The following SMARCA4 variants were observed in gnomAD, a reference collection of about 807,000 sequenced individuals.
SMARCA4 encodes the protein SWI/SNF related BAF chromatin remodeling complex subunit ATPase 4, also known as SWI/SNF-related matrix-associated actin-dependent regulator of chromatin subfamily A member 4.
In SMARCA4, 31 loss-of-function variants were observed where a neutral mutation model predicts 193.9. The observed-to-expected ratio is 0.16, with a 90% CI of 0.12 to 0.22. The LOEUF (loss-of-function observed/expected upper bound fraction) is 0.22, where lower values mean the gene tolerates loss of function less well. Ranked by LOEUF, SMARCA4 falls within the 10% of genes least tolerant of loss-of-function variation. SMARCA4 has a pLI of 1.00. For missense variants in SMARCA4, 1,148 were observed against 2,296.0 expected, an observed-to-expected ratio of 0.50 and a Z score of 10.22; for synonymous variants, 942 against 933.1, an observed-to-expected ratio of 1.01 and a Z score of -0.17.
At chr19:11,013,553 C>T (rs1425483540) in intron 16 of SMARCA4, among the ~76,000 whole-genome samples, 4 of 152,152 alleles carry the variant, frequency 2.6e-5, no homozygotes, top group Non-Finnish European at 5.9e-5. Flanking sequence ...ACAGCCTCTG[C>T]CTCTGGGTCC....
chr19:11,003,418 T>C, intron 13 of SMARCA4, 21 bp downstream of exon 13: 1 of 1,609,076 alleles, frequency 6.2e-7, no homozygotes, highest in Non-Finnish European at 8.5e-7. Flanking sequence ...ATTTCCTGGC[T>C]TTCAAGGCTC....
At chr19:11,022,378 G>A (rs930997117) in intron 19 of SMARCA4, among the ~76,000 whole-genome samples, 1 of 152,182 alleles carries the variant, frequency 6.6e-6, no homozygotes, top group Non-Finnish European at 1.5e-5. Flanking sequence ...TCCAGTTAGC[G>A]GGGCCACATG....
rs1425302228 is a variant in SMARCA4, at chr19:11,031,110, G to A, written c.3546+217G>A. On this transcript the variant is annotated intron_variant, in intron 25 of 34. Transcript: ENST00000344626. This position sits in a 1 kb window ranked among gnomAD's most constrained non-coding sequence, Gnocchi z 4.3. ...ATACAAACAGCCTTTCCCTCTGATT[G>A]GGAAAGCAGTGTATAAGCCATCCGT... 4 of 602,752 alleles carry A rather than the reference G, an allele frequency of 6.6e-6. No individual in the cohort carries two copies. The highest frequency in any genetic ancestry group is 1.2e-5 in the Non-Finnish European group (4 of 334,604). 37.3% of individuals were successfully genotyped at this position (602,752 alleles called of 1,614,324 possible).
At position 11,058,083 on chromosome 19, in the gene SMARCA4, G is replaced by A. The variant is rs1055526333; in HGVS notation, c.4425-172G>A. Among the ~76,000 whole-genome samples the A allele has an allele frequency of 2.0e-5, 3 of 151,168 alleles. No homozygotes were observed. The highest frequency in any genetic ancestry group is 2.9e-5 in the Non-Finnish European group (2 of 67,820). On this transcript the variant is annotated intron_variant, in intron 30 of 34. Transcript: ENST00000344626. This position sits in a 1 kb window ranked among gnomAD's most constrained non-coding sequence, Gnocchi z 5.8. The stretch of plus-strand genomic sequence containing the variant: ...ATCGCACCATTGCACTCCAGCCTGG[G>A]CAGCAAGAGCGAAACTCCGTCTCAA...
At chr19:11,009,998 T>G (rs1412871058) in intron 14 of SMARCA4, among the ~76,000 whole-genome samples, 1 of 151,884 alleles carries the variant, frequency 6.6e-6, no homozygotes, top group African/African-American at 2.4e-5. Context: ...CTAATTTTTG[T>G]TTTTTGTAGT....
chr19:10,996,619 G>A (rs45618443), intron 11 of SMARCA4, 75 bp downstream of exon 11: 47,901 of 1,371,742 alleles, frequency 0.035, 1,115 homozygotes, highest in Non-Finnish European at 0.042. Context: ...TTTAAAACCT[G>A]TGTTCTTTTA....
At chr19:11,032,908 C>T (rs912413800) in intron 25 of SMARCA4, among the ~76,000 whole-genome samples, 1 of 152,228 alleles carries the variant, frequency 6.6e-6, no homozygotes, top group Non-Finnish European at 1.5e-5. Context: ...TGCCACAACA[C>T]GGCCGAGCTT....
chr19:10,983,873 C>T (rs2085774338), intron 1 of SMARCA4, among the ~76,000 whole-genome samples: 1 of 152,048 alleles, frequency 6.6e-6, no homozygotes, highest in Non-Finnish European at 1.5e-5. Flanking sequence ...CCTGAAGGCC[C>T]CTGTGGGGCA....
chr19:10,986,106 T>G lies in SMARCA4; in HGVS notation c.356-83T>G. The stretch of plus-strand genomic sequence containing the variant: ...CATTTGGCTGTGCCCTGTCTCAGAG[T>G]AGGAGCTGGTGTAGGGGGAAGAGGC... On this transcript the variant is annotated intron_variant, in intron 3 of 34. Transcript: ENST00000344626. The surrounding 1 kb of genome is among the most constrained non-coding windows in gnomAD (Gnocchi z 6.7). The G allele has an allele frequency of 8.5e-7, 1 of 1,183,122 alleles. No homozygotes were observed. Among genetic ancestry groups the G allele is most frequent in the African/African-American group, 1.5e-5 (1 of 66,876 alleles). The allele number at this position is 1,183,122 out of a possible 1,614,324, so 73.3% of individuals were successfully genotyped here. A position where few individuals can be genotyped will look rare whatever the true frequency, so the allele number is the denominator to read the frequency against.
chr19:10,996,162 C>G, intron 9 of SMARCA4, 51 bp from the exon 10 acceptor site: 1 of 1,598,202 alleles, frequency 6.3e-7, no homozygotes, highest in African/African-American at 1.3e-5. Context: ...TGGGTGCTCA[C>G]AGACATGCAC....
chr19:11,036,400 C>A (rs933282786), intron 29 of SMARCA4, among the ~76,000 whole-genome samples: 1 of 147,878 alleles, frequency 6.8e-6, no homozygotes, highest in African/African-American at 2.4e-5. Flanking sequence ...GTTCAGACTA[C>A]AGGTACACAC....
At chr19:10,978,425 C>T (rs1200736514) in intron 1 of SMARCA4, among the ~76,000 whole-genome samples, 1 of 152,106 alleles carries the variant, frequency 6.6e-6, no homozygotes, top group Non-Finnish European at 1.5e-5. Context: ...CTTCCACCTA[C>T]CGGGTTCAAG....
chr19:11,047,650 TC>T (rs1276079481), intron 30 of SMARCA4: 3 of 152,216 alleles, frequency 2.0e-5, no homozygotes, highest in Non-Finnish European at 4.4e-5. Context: ...CCTTAAGTGA[TC>T]CGCCCGCCTC....
In SMARCA4 at chr19:11,027,043, T is replaced by C. The variant is rs538877637; in HGVS notation, c.3215+697T>C. On this transcript the variant is annotated intron_variant, in intron 23 of 34. Coordinates refer to ENST00000344626, the MANE Select transcript of SMARCA4 (RefSeq NM_003072.5). ...AGCCCAGACTCCTTTAAGCCCCTAA[T>C]GGATGTGGATGCTGTGTCTAGATTT... Among the ~76,000 whole-genome samples the C allele has an allele frequency of 1.1e-4, 16 of 152,364 alleles. No homozygotes were observed. In the South Asian group the frequency reaches 1.7e-3, roughly 16 times the overall value.
intron 34 of SMARCA4, 47 bp from the exon 35 acceptor site, chr19:11,061,737 T>C (rs1276536320): frequency 6.3e-7 from 1 of 1,598,906 alleles, no homozygotes. Context: ...CAAGGTGCCC[T>C]GGCAGGGGTG....
Position 11,013,128 on chromosome 19 carries a change from C to CACGAG in SMARCA4, c.2438+17_2438+18insCGAGA, listed in dbSNP as rs2146282578. The CACGAG allele has an allele frequency of 6.2e-7, 1 of 1,613,720 alleles. No individual in the cohort carries two copies. Among genetic ancestry groups the CACGAG allele is most frequent in the African/African-American group, 1.3e-5 (1 of 75,044 alleles). ...TGCCTCTCTCGTGAGTACCCGCTGC[C>CACGAG]AGCAACATCCCACACGCCGCTCACA... is the stretch of plus-strand genomic sequence containing the variant. On this transcript the variant is annotated intron_variant, in intron 16 of 34. Coordinates refer to ENST00000344626, the MANE Select transcript of SMARCA4 (RefSeq NM_003072.5).
intron 24 of SMARCA4, among the ~76,000 whole-genome samples, chr19:11,029,920 C>T (rs1345582623): frequency 6.6e-6 from 1 of 152,170 alleles, no homozygotes; most frequent in Non-Finnish European, 1.5e-5. Context: ...AGGCGATCCA[C>T]CCACCTCAGC....
chr19:11,025,308 T>A, intron 21 of SMARCA4, 114 bp from the exon 22 acceptor site: 1 of 737,948 alleles, frequency 1.4e-6, no homozygotes, highest in Non-Finnish European at 2.4e-6. Context: ...CAAAAGCCAC[T>A]CTTCCCCACT....
chr19:11,002,799 C>CAAAAA (rs747143883), intron 11 of SMARCA4, among the ~76,000 whole-genome samples: 6 of 83,666 alleles, frequency 7.2e-5, no homozygotes, highest in Admixed American at 1.4e-4. Flanking sequence ...GACTCCGTCT[C>CAAAAA]AAAAAAAAAA....
Sources: gnomAD v4.1 joint callset for allele counts (sites outside exome capture counted in the v4.1 genomes callset) on GRCh38, gnomAD v4.1.1 for gene constraint, Gnocchi (gnomAD v3.1) non-coding constraint, MANE v1.5 for transcripts, NCBI Gene and HGNC (gene_info 2026-07-23, HGNC 2026-07-21) for gene names.